ANK2: variants seen among roughly 807,000 people sequenced by gnomAD.
ANK2 encodes ankyrin-2.
Under a neutral mutation model 360.5 loss-of-function variants are expected in ANK2, and 83 were observed. The ratio of observed to expected loss-of-function variants is 0.23; its 90% CI spans 0.19 to 0.28. ANK2 has a LOEUF of 0.28. ANK2 is among the 10% of genes least tolerant of loss of function. ANK2 has a pLI of 1.00. For missense variants in ANK2, 4,201 were observed against 4,795.7 expected, an observed-to-expected ratio of 0.88 and a Z score of 3.66; for synonymous variants, 1,740 against 1,759.5, an observed-to-expected ratio of 0.99 and a Z score of 0.28.
At position 113,373,413 on chromosome 4, in the gene ANK2, G is replaced by A. The variant is rs777865106; in HGVS notation, c.11823G>A (p.Lys3941=). 8 of 1,614,064 alleles carry A rather than the reference G, an allele frequency of 5.0e-6. No homozygotes were observed. The East Asian group carries it at 1.6e-4, about 31-fold the overall frequency. ...GGGATGGCTATTCCAAAGTTATAAA[G>A]CGTGTTGTATTGAAGAGTGACACCG... ...EEGDGYSKVI[K]RVVLKSDTEQ... Residue 3941 remains lysine (K), a synonymous_variant, in exon 45 of 46, where the codon AAG becomes AAA. Transcript: ENST00000357077.
chr4:113,093,675 A>G (rs2089665989), intron 1 of ANK2, among the ~76,000 whole-genome samples: 1 of 152,218 alleles, frequency 6.6e-6, no homozygotes, highest in African/African-American at 2.4e-5. Flanking sequence ...TTACGCAATA[A>G]TGCCAACACA....
At chr4:113,079,966 T>C (rs1248961774) in intron 1 of ANK2, among the ~76,000 whole-genome samples, 1 of 150,572 alleles carries the variant, frequency 6.6e-6, no homozygotes, top group Non-Finnish European at 1.5e-5. Context: ...TGGTGCGATC[T>C]CAGCTCACTG....
intron 4 of ANK2, among the ~76,000 whole-genome samples, chr4:113,207,302 G>A (rs911816967): frequency 7.2e-5 from 11 of 152,224 alleles, no homozygotes; most frequent in East Asian, 5.8e-4. Flanking sequence ...ATGAATAATC[G>A]AAGACATCAT....
intron 1 of ANK2, among the ~76,000 whole-genome samples, chr4:113,103,586 A>G (rs549276419): frequency 6.6e-6 from 1 of 152,326 alleles, no homozygotes; most frequent in African/African-American, 2.4e-5. Flanking sequence ...ATAATTTAGA[A>G]TTCTGCTTAG....
At position 113,363,442 on chromosome 4, in the gene ANK2, C is replaced by G. The variant is rs45570339; in HGVS notation, c.10861C>G (p.Leu3621Val). The G allele has an allele frequency of 5.4e-4, 878 of 1,613,430 alleles. 3 individuals carry two copies. In the African/African-American group the frequency reaches 0.011, roughly 19 times the overall value. Residue 3621 changes from leucine (L) to valine (V), a missense_variant, in exon 40 of 46, where the codon CTA becomes GTA. Leu to Val is a conservative substitution (Grantham distance 32). This residue lies in a region of ANK2 where 2,642 missense variants were observed against 2,714.5 expected (regional missense o/e 0.97). Transcript: ENST00000357077. Reference sequence around the variant, plus strand: ...GAGTCATGCACTGTTGAAGTACTGGCTAGAGAGGGATGGGAAACATGCTAC... The same window carrying G: ...GAGTCATGCACTGTTGAAGTACTGGGTAGAGAGGGATGGGAAACATGCTAC... ...DQSHALLKYW[L>V]ERDGKHATDT... is the part of the protein sequence containing the mutation.
chr4:113,186,095 C>T (rs1366034762), intron 2 of ANK2, among the ~76,000 whole-genome samples: 1 of 152,200 alleles, frequency 6.6e-6, no homozygotes, highest in Non-Finnish European at 1.5e-5. Flanking sequence ...GACTCCCATG[C>T]CTCTTGACTG....
chr4:113,344,878 T>C (rs1475583330), intron 34 of ANK2, among the ~76,000 whole-genome samples: 1 of 152,180 alleles, frequency 6.6e-6, no homozygotes, highest in African/African-American at 2.4e-5. Flanking sequence ...GAAATAAAGA[T>C]AGAAAGTAGA....
At chr4:113,267,078 G>A (rs751490013) in intron 14 of ANK2, among the ~76,000 whole-genome samples, 8 of 152,060 alleles carry the variant, frequency 5.3e-5, no homozygotes, top group African/African-American at 1.7e-4. Flanking sequence ...CATATCCTTC[G>A]CCGACTTTTC....
At chr4:113,134,412 T>A (rs1024857919) in intron 1 of ANK2, among the ~76,000 whole-genome samples, 20 of 149,408 alleles carry the variant, frequency 1.3e-4, no homozygotes, top group Non-Finnish European at 2.7e-4. Context: ...GGGGAGTGCA[T>A]AGAGATCTCT....
chr4:113,143,367 A>T (rs1056004821), intron 1 of ANK2, among the ~76,000 whole-genome samples: 1 of 57,040 alleles, frequency 1.8e-5, no homozygotes, highest in Non-Finnish European at 3.6e-5. Flanking sequence ...GTTAAAGCAC[A>T]GCAAAATTAT....
At chr4:113,047,276 A>C (rs1299092926), upstream of ANK2, among the ~76,000 whole-genome samples, 3 of 152,144 alleles carry the variant, frequency 2.0e-5, no homozygotes, top group Admixed American at 6.6e-5. Flanking sequence ...TGTGTCTCTC[A>C]TCACTCCTTA....
intron 1 of ANK2, among the ~76,000 whole-genome samples, chr4:113,144,451 T>A (rs1463103261): frequency 1.3e-5 from 2 of 151,018 alleles, no homozygotes; most frequent in Admixed American, 6.6e-5. Context: ...TTTTTAGCTT[T>A]AAAAAAAAAT....
At chr4:113,100,465 A>G (rs1421404130) in intron 1 of ANK2, among the ~76,000 whole-genome samples, 3 of 152,122 alleles carry the variant, frequency 2.0e-5, no homozygotes, top group Non-Finnish European at 4.4e-5. Context: ...AATCCAAAAC[A>G]CTGGCAATAC....
chr4:112,715,720 A>G, the ANK2 span, among the ~76,000 whole-genome samples: 147 of 152,262 alleles, frequency 9.7e-4, 2 homozygotes, highest in East Asian at 0.02. Flanking sequence ...CCACCCTCAG[A>G]CACAAGCTCT....
At position 113,165,743 on chromosome 4, in the gene ANK2, T is replaced by TG. The variant is rs541147312; in HGVS notation, c.85-8672dup. Among the ~76,000 whole-genome samples, 407 of 152,268 alleles carry TG rather than the reference T, an allele frequency of 2.7e-3. 3 individuals are homozygous for TG. Among genetic ancestry groups the TG allele is most frequent in the Non-Finnish European group, 4.2e-3 (287 of 67,974 alleles). Reference sequence around the variant, plus strand: ...AGTTTAATGGCTAAAGAAACTAAGGTGCTTACCTGACTGAAGCAGTAATGT... The same window carrying TG: ...AGTTTAATGGCTAAAGAAACTAAGGTGGCTTACCTGACTGAAGCAGTAATGT... On this transcript the variant is annotated intron_variant, in intron 1 of 45. Transcript: ENST00000357077.
chr4:113,353,227 C>G lies in ANK2; in HGVS notation c.4609C>G (p.Leu1537Val). The G allele has an allele frequency of 1.2e-6, 2 of 1,613,964 alleles. No individual in the cohort carries two copies. Among genetic ancestry groups the G allele is most frequent in the Non-Finnish European group, 1.7e-6 (2 of 1,179,950 alleles). Residue 1537 changes from leucine to valine, a missense_variant, in exon 38 of 46, where the codon CTG becomes GTG. Around this residue, in one of 4 missense-constraint regions of ANK2, gnomAD observed 1,268 missense variants for 1,650.8 expected, o/e 0.77. Transcript: ENST00000357077. ...GGCAGGTTCTATTAAAGTGAAGGAG[C>G]TGGTGAAGGCTGCTGAGGAAGAGCC... ...DKAGSIKVKE[L>V]VKAAEEEPGE... is the part of the protein sequence containing the mutation.
intron 2 of ANK2, among the ~76,000 whole-genome samples, chr4:112,978,501 T>A (rs1348954914): frequency 1.3e-5 from 2 of 152,216 alleles, no homozygotes; most frequent in Non-Finnish European, 2.9e-5. Context: ...TCTTAGTCCC[T>A]GGAAACCACC....
intron 1 of ANK2, among the ~76,000 whole-genome samples, chr4:113,063,964 T>C (rs1013475143): frequency 6.6e-6 from 1 of 152,192 alleles, no homozygotes; most frequent in Non-Finnish European, 1.5e-5. Context: ...TAATGTTTTA[T>C]TTTTGAGTTG....
At chr4:112,893,098 A>T (rs2080596557) in intron 1 of ANK2, among the ~76,000 whole-genome samples, 1 of 152,206 alleles carries the variant, frequency 6.6e-6, no homozygotes, top group Admixed American at 6.5e-5. Flanking sequence ...CAATCCTGGA[A>T]ATGTTAACTT....
Sources: allele counts gnomAD v4.1 joint callset (sites outside exome capture counted in the v4.1 genomes callset), GRCh38; gene constraint gnomAD v4.1.1; regional missense constraint gnomAD v4.1.1; transcripts MANE v1.5; gene names NCBI Gene and HGNC (gene_info 2026-07-23, HGNC 2026-07-21).